The following ANKRD44 variants were observed in gnomAD, a reference collection of about 807,000 sequenced individuals.
ANKRD44 encodes ankyrin repeat domain 44.
ANKRD44 carries 35 observed loss-of-function variants against 116.0 expected under a neutral mutation model. The ratio of observed to expected loss-of-function variants is 0.30; its 90% CI spans 0.23 to 0.40. ANKRD44 has a LOEUF of 0.40. ANKRD44 is among the 10% of genes least tolerant of loss of function. The pLI is 1.00. For synonymous variants in ANKRD44, 435 were observed against 461.8 expected, an observed-to-expected ratio of 0.94 and a Z score of 0.74; for missense variants, 1,014 against 1,242.6, an observed-to-expected ratio of 0.82 and a Z score of 2.77.
At chr2:196,996,319 A>G (rs16860257) in intron 25 of ANKRD44, among the ~76,000 whole-genome samples, 6,225 of 152,246 alleles carry the variant, frequency 0.041, 394 homozygotes, top group African/African-American at 0.14. Context: ...TAAACTTCAT[A>G]AGGCTGAGCA....
At position 196,993,565 on chromosome 2, in the gene ANKRD44, T is replaced by C. The variant is rs975282795; in HGVS notation, c.2923+18A>G. 15 of 1,546,366 alleles carry C rather than the reference T, an allele frequency of 9.7e-6. No homozygotes were observed. The highest frequency in any genetic ancestry group is 1.2e-5 in the Non-Finnish European group (14 of 1,143,026). ...TTATGGAAGGTACCTGCAGTCGCTG[T>C]TGACTTTTTCCACTTACCATTTTCA... On this transcript the variant is annotated intron_variant, in intron 27 of 27. Transcript: ENST00000282272.
At position 197,125,913 on chromosome 2, in the gene ANKRD44, A is replaced by G; in HGVS notation, c.386T>C (p.Leu129Pro). 3 of 1,614,212 alleles carry G rather than the reference A, an allele frequency of 1.9e-6. No individual in the cohort carries two copies. Among genetic ancestry groups the G allele is most frequent in the Non-Finnish European group, 2.5e-6 (3 of 1,180,036 alleles). ...GTCGGAGACATTGACACTGCTCAGC[A>G]GGGGAATGATCACTTCTGCACATTT... Reference protein sequence around the residue: ...AVKCAEVIIPLLSSVNVSDRG... With the variant: ...AVKCAEVIIPPLSSVNVSDRG... Residue 129 changes from leucine to proline, a missense_variant, in exon 5 of 28, where the codon CTG becomes CCG. Physicochemically the swap from Leu to Pro is moderately conservative, Grantham distance 98. Transcript: ENST00000282272.
chr2:197,216,869 A>AACAC (rs61641385), intron 1 of ANKRD44, among the ~76,000 whole-genome samples: 41,529 of 139,532 alleles, frequency 0.3, 6,709 homozygotes, highest in East Asian at 0.46. Context: ...ACATTGGTTA[A>AACAC]ACACACACAC....
At chr2:197,150,936 C>T (rs1370149141) in intron 2 of ANKRD44, among the ~76,000 whole-genome samples, 2 of 152,142 alleles carry the variant, frequency 1.3e-5, no homozygotes, top group East Asian at 1.9e-4. Flanking sequence ...CAAACACTCA[C>T]GTAGGCAGAT....
intron 1 of ANKRD44, among the ~76,000 whole-genome samples, chr2:197,283,929 T>C (rs2083334347): frequency 6.6e-6 from 1 of 152,206 alleles, no homozygotes; most frequent in African/African-American, 2.4e-5. Context: ...AGCTCAGTGA[T>C]ATCAGTATTC....
At chr2:197,029,820 A>T (rs2076670128) in intron 16 of ANKRD44, 1 of 288,898 alleles carries the variant, frequency 3.5e-6, no homozygotes, top group South Asian at 3.3e-5. Flanking sequence ...TGTAGCCTTC[A>T]ACTTTACCTT....
At chr2:197,195,631 C>T (rs1213983616) in intron 1 of ANKRD44, among the ~76,000 whole-genome samples, 2 of 152,172 alleles carry the variant, frequency 1.3e-5, no homozygotes, top group Non-Finnish European at 2.9e-5. Context: ...CCCTTGCCTC[C>T]GAAACACTAA....
At position 196,987,851 on chromosome 2, in the gene ANKRD44, T is replaced by C. The variant is rs1036736119; in HGVS notation, c.*1740A>G. ...TCAGTTAAAAACACATTTTTTTTTC[T>C]TAGAAAGCTATGGTGCAAACATAAT... On this transcript the variant is annotated 3_prime_UTR_variant, in exon 28 of 28. Coordinates refer to ENST00000282272, the MANE Select transcript of ANKRD44 (RefSeq NM_001195144.2). 2.1e-6 allele frequency: 2 copies of C among 975,452 alleles called. No individual in the cohort carries two copies. The highest frequency in any genetic ancestry group is 3.5e-5 in the African/African-American group (2 of 56,894). 60.4% of individuals were successfully genotyped at this position (975,452 alleles called of 1,614,324 possible).
chr2:197,039,132 G>C (rs2076861039), intron 16 of ANKRD44, among the ~76,000 whole-genome samples: 1 of 152,176 alleles, frequency 6.6e-6, no homozygotes, highest in Admixed American at 6.5e-5. Context: ...TATTCTATCT[G>C]GTGCCAATAC....
In ANKRD44 at chr2:196,993,560, C is replaced by A; in HGVS notation, c.2923+23G>T. On this transcript the variant is annotated intron_variant, in intron 27 of 27. Coordinates refer to ENST00000282272, the MANE Select transcript of ANKRD44 (RefSeq NM_001195144.2). ...CTAGCTTATGGAAGGTACCTGCAGT[C>A]GCTGTTGACTTTTTCCACTTACCAT... 3 of 1,535,798 alleles carry A rather than the reference C, an allele frequency of 2.0e-6. No individual in the cohort carries two copies. The South Asian group carries it at 3.6e-5, about 18-fold the overall frequency.
At chr2:197,186,612 C>CTTTCTTTTTTTTTTTTTTTTTTTT (rs2080671746) in intron 2 of ANKRD44, among the ~76,000 whole-genome samples, 1 of 50,786 alleles carries the variant, frequency 2.0e-5, no homozygotes, top group Admixed American at 3.7e-4. Flanking sequence ...GCTAATTTTT[C>CTTTCTTTTTTTTTTTTTTTTTTTT]TTTTTTTTTT....
At chr2:197,252,791 T>C (rs2082352098) in intron 1 of ANKRD44, among the ~76,000 whole-genome samples, 1 of 152,200 alleles carries the variant, frequency 6.6e-6, no homozygotes, top group Non-Finnish European at 1.5e-5. Context: ...TTATATTGAT[T>C]TTTAAATGCT....
intron 8 of ANKRD44, among the ~76,000 whole-genome samples, chr2:197,115,454 C>T (rs536061058): frequency 2.9e-4 from 44 of 152,266 alleles, no homozygotes; most frequent in African/African-American, 1.0e-3. Context: ...CACAATTAAA[C>T]TCATATCATG....
At chr2:197,276,864 A>C (rs2083101424) in intron 1 of ANKRD44, among the ~76,000 whole-genome samples, 1 of 152,126 alleles carries the variant, frequency 6.6e-6, no homozygotes, top group Admixed American at 6.5e-5. Context: ...ATTCATAAAA[A>C]ATCCAGGTGC....
At chr2:197,078,664 G>A (rs1170028135) in intron 16 of ANKRD44, 39 bp downstream of exon 16, 4 of 1,600,210 alleles carry the variant, frequency 2.5e-6, no homozygotes, top group South Asian at 2.2e-5. Flanking sequence ...GGGTATGTGT[G>A]TGTGTGTGTG....
intron 16 of ANKRD44, among the ~76,000 whole-genome samples, chr2:197,032,354 T>G (rs2076722653): frequency 6.6e-6 from 1 of 151,612 alleles, no homozygotes; most frequent in African/African-American, 2.4e-5. Flanking sequence ...CATAGTGGCC[T>G]GAACTACAGA....
chr2:197,093,001 T>C (rs2078077065), intron 10 of ANKRD44, among the ~76,000 whole-genome samples: 1 of 152,008 alleles, frequency 6.6e-6, no homozygotes, highest in Non-Finnish European at 1.5e-5. Flanking sequence ...AAGAGGAAAA[T>C]GGATAGAATA....
chr2:197,238,906 T>C (rs1452081949), intron 1 of ANKRD44, among the ~76,000 whole-genome samples: 3 of 152,110 alleles, frequency 2.0e-5, no homozygotes, highest in Non-Finnish European at 2.9e-5. Flanking sequence ...GGTTTCGCCA[T>C]GTTGGCCAGG....
chr2:196,986,562 A>G (rs2075839938), downstream of ANKRD44: 1 of 347,758 alleles, frequency 2.9e-6, no homozygotes, highest in African/African-American at 2.2e-5. Context: ...TTTTATCTTG[A>G]TTATTTTCTA....
Sources: gnomAD v4.1 joint callset for allele counts (sites outside exome capture counted in the v4.1 genomes callset) on GRCh38, gnomAD v4.1.1 for gene constraint, MANE v1.5 for transcripts, NCBI Gene and HGNC (gene_info 2026-07-23, HGNC 2026-07-21) for gene names.